Variants in NCOA1 observed in about 807,000 individuals in gnomAD.
NCOA1 encodes the protein Hin-2 protein.
Under a neutral mutation model 150.9 loss-of-function variants are expected in NCOA1, and 35 were observed. The observed-to-expected ratio is 0.23, with a 90% CI of 0.18 to 0.31. The LOEUF is 0.31. Among genes scored for constraint, NCOA1 ranks in the 10% least tolerant of loss-of-function variants. NCOA1 has a pLI of 1.00. For missense variants in NCOA1, 1,491 were observed against 1,749.3 expected, an observed-to-expected ratio of 0.85 and a Z score of 2.63; for synonymous variants, 590 against 630.0, an observed-to-expected ratio of 0.94 and a Z score of 0.95.
chr2:24,768,436 A>G lies in NCOA1; in HGVS notation c.*45A>G. ...AAATTTAAATAATAGACATACAGAG[A>G]TATACAAATATATTATATATTTTTC... On this transcript the variant is annotated 3_prime_UTR_variant, in exon 23 of 23. Transcript: ENST00000348332. 2 of 1,321,778 alleles carry G rather than the reference A, an allele frequency of 1.5e-6. No individual in the cohort carries two copies. Among genetic ancestry groups the G allele is most frequent in the Non-Finnish European group, 2.0e-6 (2 of 1,001,748 alleles). 81.9% of individuals were successfully genotyped at this position (1,321,778 alleles called of 1,614,324 possible).
intron 2 of NCOA1, among the ~76,000 whole-genome samples, chr2:24,576,223 T>C (rs960869212): frequency 1.6e-4 from 22 of 139,968 alleles, no homozygotes; most frequent in African/African-American, 5.8e-4. Flanking sequence ...CCTCAGGTGG[T>C]TTCCTTCCAC....
At chr2:24,499,553 T>A (rs957407391) in intron 1 of NCOA1, among the ~76,000 whole-genome samples, 1 of 152,176 alleles carries the variant, frequency 6.6e-6, no homozygotes, top group Non-Finnish European at 1.5e-5. Context: ...GCAGTAAGTA[T>A]TCTTTTAAAC....
At chr2:24,632,414 T>A (rs1302903260) in intron 3 of NCOA1, among the ~76,000 whole-genome samples, 3 of 152,224 alleles carry the variant, frequency 2.0e-5, no homozygotes, top group Admixed American at 6.5e-5. Context: ...ATATCCTTCT[T>A]CACTCTCTGT....
chr2:24,738,763 A>G (rs533128579), intron 17 of NCOA1, among the ~76,000 whole-genome samples: 28 of 152,318 alleles, frequency 1.8e-4, no homozygotes, highest in African/African-American at 6.3e-4. Flanking sequence ...TTCCCAGCAC[A>G]TCTATTAATA....
chr2:24,576,170 G>GTTT (rs869093026), intron 2 of NCOA1, among the ~76,000 whole-genome samples: 3 of 46,330 alleles, frequency 6.5e-5, no homozygotes, highest in East Asian at 6.8e-4. Context: ...TTTGTTTTTT[G>GTTT]TTTTTTTTTT....
intron 2 of NCOA1, among the ~76,000 whole-genome samples, chr2:24,582,220 CT>C (rs1284524101): frequency 7.9e-5 from 12 of 152,074 alleles, no homozygotes; most frequent in Admixed American, 7.9e-4. Flanking sequence ...AGAAACTCCA[CT>C]TTTTTTAATC....
intron 14 of NCOA1, among the ~76,000 whole-genome samples, chr2:24,712,892 A>G (rs1489686743): frequency 1.3e-5 from 2 of 152,156 alleles, no homozygotes; most frequent in Non-Finnish European, 2.9e-5. Context: ...GAAAAAGTTA[A>G]GGAAATTACA....
At chr2:24,616,369 C>A (rs1668871427) in intron 3 of NCOA1, among the ~76,000 whole-genome samples, 1 of 152,094 alleles carries the variant, frequency 6.6e-6, no homozygotes, top group Admixed American at 6.5e-5. Flanking sequence ...GTTGAGATTT[C>A]TTTCCATCTT....
At chr2:24,655,411 A>C (rs964705218) in intron 4 of NCOA1, among the ~76,000 whole-genome samples, 4 of 152,340 alleles carry the variant, frequency 2.6e-5, no homozygotes, top group Admixed American at 6.5e-5. Flanking sequence ...GTAATATGCA[A>C]TACATAATAC....
intron 2 of NCOA1, among the ~76,000 whole-genome samples, chr2:24,582,759 C>T (rs1473007948): frequency 6.6e-6 from 1 of 152,120 alleles, no homozygotes; most frequent in Non-Finnish European, 1.5e-5. Flanking sequence ...AAAACAGACA[C>T]ATAGACCAAT....
At chr2:24,768,150 C>A in intron 22 of NCOA1, 71 bp from the exon 23 acceptor site, 1 of 1,613,888 alleles carries the variant, frequency 6.2e-7, no homozygotes, top group Non-Finnish European at 8.5e-7. Context: ...GTTTCCACTT[C>A]AAGTAGTACC....
At chr2:24,514,285 C>CAAA (rs57412614) in intron 1 of NCOA1, among the ~76,000 whole-genome samples, 22 of 32,764 alleles carry the variant, frequency 6.7e-4, no homozygotes, top group Non-Finnish European at 8.4e-4. Flanking sequence ...GACTCTGTCT[C>CAAA]AAAAAAAAAA....
intron 2 of NCOA1, among the ~76,000 whole-genome samples, chr2:24,568,003 C>T (rs1016866899): frequency 8.5e-5 from 13 of 152,106 alleles, no homozygotes; most frequent in East Asian, 3.8e-4. Flanking sequence ...CTTGGCCTCC[C>T]GAAGTGCTGG....
In NCOA1 at chr2:24,632,963, T is replaced by C. The variant is rs1008722200; in HGVS notation, c.-174-11003T>C. ...CATCAACTTTGTGTACCCAAACAAC[T>C]AAATACCATTGGGCATCTGAGAAAG... On this transcript the variant is annotated intron_variant, in intron 3 of 22. Coordinates refer to ENST00000348332, the MANE Select transcript of NCOA1 (RefSeq NM_003743.5). Among the ~76,000 whole-genome samples the C allele has an allele frequency of 3.3e-5, 5 of 152,234 alleles. No individual in the cohort carries two copies. The East Asian group carries it at 7.7e-4, about 23-fold the overall frequency.
intron 2 of NCOA1, among the ~76,000 whole-genome samples, chr2:24,572,261 T>C (rs1666771723): frequency 6.6e-6 from 1 of 152,096 alleles, no homozygotes; most frequent in Non-Finnish European, 1.5e-5. Context: ...TGTGTTAGGG[T>C]GGTTTAATGA....
chr2:24,710,089 A>ATTTTAT (rs201780740), intron 13 of NCOA1, among the ~76,000 whole-genome samples: 1 of 143,372 alleles, frequency 7.0e-6, no homozygotes, highest in Admixed American at 7.0e-5. Context: ...ATTTTATTTT[A>ATTTTAT]TTTATTTATT....
At chr2:24,754,236 A>C (rs1324524453) in intron 20 of NCOA1, among the ~76,000 whole-genome samples, 2 of 152,170 alleles carry the variant, frequency 1.3e-5, no homozygotes, top group Non-Finnish European at 1.5e-5. Context: ...GGGTAGCCAG[A>C]GCCATGCTTT....
At chr2:24,720,063 G>A (rs1674279210) in intron 14 of NCOA1, among the ~76,000 whole-genome samples, 1 of 152,182 alleles carries the variant, frequency 6.6e-6, no homozygotes, top group Admixed American at 6.5e-5. Flanking sequence ...TGGGAACCAG[G>A]ATGGTAGTAA....
At chr2:24,759,274 T>C (rs547873631) in intron 21 of NCOA1, among the ~76,000 whole-genome samples, 2 of 152,066 alleles carry the variant, frequency 1.3e-5, no homozygotes, top group South Asian at 4.1e-4. Flanking sequence ...TACTGAGGGC[T>C]TAAAAGAAAA....
Sources: allele counts gnomAD v4.1 joint callset (sites outside exome capture counted in the v4.1 genomes callset), GRCh38; gene constraint gnomAD v4.1.1; transcripts MANE v1.5; gene names NCBI Gene and HGNC (gene_info 2026-07-23, HGNC 2026-07-21).